FBN2: variants seen among roughly 807,000 people sequenced by gnomAD.
The protein encoded by FBN2 is fibrillin-2.
In FBN2, 105 loss-of-function variants were observed where a neutral mutation model predicts 355.6. The observed-to-expected ratio is 0.30, with a 90% CI of 0.25 to 0.35. The LOEUF (loss-of-function observed/expected upper bound fraction) is 0.35, where lower values mean the gene tolerates loss of function less well. FBN2 is among the 10% of genes least tolerant of loss of function. The probability of loss-of-function intolerance (pLI) is 1.00; values close to 1 mark genes in which losing one functional copy is unlikely to be tolerated. For missense variants in FBN2, 3,280 were observed against 3,758.7 expected, an observed-to-expected ratio of 0.87 and a Z score of 3.33; for synonymous variants, 1,350 against 1,301.2, an observed-to-expected ratio of 1.04 and a Z score of -0.81.
At chr5:128,466,528 G>T (rs1039154968) in intron 5 of FBN2, among the ~76,000 whole-genome samples, 1 of 152,100 alleles carries the variant, frequency 6.6e-6, no homozygotes, top group Admixed American at 6.6e-5. Flanking sequence ...TATCATATAC[G>T]TGCTGCAGTA....
intron 5 of FBN2, among the ~76,000 whole-genome samples, chr5:128,515,729 A>T (rs914757988): frequency 1.1e-4 from 16 of 152,210 alleles, no homozygotes; most frequent in African/African-American, 3.9e-4. Context: ...GATTAACAAA[A>T]GTCATTTTTC....
chr5:128,309,519 C>T, intron 40 of FBN2, 120 bp from the exon 41 acceptor site: 1 of 773,540 alleles, frequency 1.3e-6, no homozygotes, highest in Non-Finnish European at 2.2e-6. Context: ...CCTTTTTAGT[C>T]ATTTGAAGCT....
intron 7 of FBN2, among the ~76,000 whole-genome samples, chr5:128,432,722 A>G (rs1465134417): frequency 6.6e-6 from 1 of 152,202 alleles, no homozygotes; most frequent in Non-Finnish European, 1.5e-5. Flanking sequence ...GATAAAAAAA[A>G]GTTTTAATAA....
chr5:128,393,344 T>C lies in FBN2; in HGVS notation c.1256A>G (p.Asp419Gly), dbSNP rs140464202. Residue 419 changes from aspartate to glycine, a missense_variant, in exon 10 of 65, where the codon GAT (aspartate) becomes GGT (glycine). By Grantham distance (94) the Asp-to-Gly change is moderately conservative (BLOSUM62 -1). Around this residue, in one of 6 missense-constraint regions of FBN2, gnomAD observed 343 missense variants for 331.0 expected, o/e 1.04. Coordinates refer to ENST00000262464, the MANE Select transcript of FBN2 (RefSeq NM_001999.4). ...TGGAATTCCTCCCATTGGAAGTCCA[T>C]CCATGCAAAGTCTGCGATATTCCTC... ...GSEEYRRLCM[D>G]GLPMGGIPGS... 6.4e-5 allele frequency: 103 copies of C among 1,614,052 alleles called. No individual in the cohort carries two copies. The African/African-American group carries it at 1.1e-3, about 17-fold the overall frequency.
intron 5 of FBN2, among the ~76,000 whole-genome samples, chr5:128,474,198 C>T (rs185197113): frequency 5.3e-5 from 8 of 152,194 alleles, no homozygotes; most frequent in African/African-American, 1.4e-4. Context: ...TTAAGGACAA[C>T]AAAAATTGCT....
At chr5:128,376,648 C>A in intron 14 of FBN2, 83 bp downstream of exon 14, 1 of 1,494,112 alleles carries the variant, frequency 6.7e-7, no homozygotes. Flanking sequence ...CATGGGGAAG[C>A]TGAAGTAATT....
At position 128,420,523 on chromosome 5, in the gene FBN2, T is replaced by C. The variant is rs1481942856; in HGVS notation, c.953-11724A>G. ...TACCTTCAGCTTCAAAAAACAAATG[T>C]TAGCTTTAGCTATAGTATATACATT... On this transcript the variant is annotated intron_variant, in intron 7 of 64. Transcript: ENST00000262464. Among the ~76,000 whole-genome samples, 7 of 152,218 alleles carry C rather than the reference T, an allele frequency of 4.6e-5. No homozygotes were observed. The East Asian group carries it at 1.2e-3, about 25-fold the overall frequency.
At chr5:128,326,592 A>G (rs901684562) in intron 34 of FBN2, among the ~76,000 whole-genome samples, 39 of 152,236 alleles carry the variant, frequency 2.6e-4, no homozygotes, top group African/African-American at 8.9e-4. Flanking sequence ...TATTTATAAT[A>G]AGATGGGTAG....
chr5:128,318,122 T>C, intron 36 of FBN2, 27 bp downstream of exon 36: 1 of 1,611,696 alleles, frequency 6.2e-7, no homozygotes, highest in Admixed American at 1.7e-5. Context: ...ATAATTCTAT[T>C]TGTTTGTTTC....
Position 128,530,693 on chromosome 5 carries a change from G to T in FBN2, c.338C>A (p.Pro113Gln), listed in dbSNP as rs1188075267. 6.3e-7 allele frequency: 1 copy of T among 1,581,260 alleles called. No homozygotes were observed. The highest frequency in any genetic ancestry group is 8.7e-7 in the Non-Finnish European group (1 of 1,150,454). Residue 113 changes from proline to glutamine, a missense_variant and splice_region_variant, in exon 3 of 65, where the codon CCG becomes CAG. Transcript: ENST00000262464. The part of the protein sequence containing the change: ...TLPGGNQCIV[P>Q]ICRNSCGDGF... The stretch of plus-strand genomic sequence containing the variant: ...ATCTCCACAACTATTTCTACAAATC[G>T]CTGTAGAAAGCACAATAGGAAAATG...
chr5:128,483,093 A>C (rs1755240760), intron 5 of FBN2, among the ~76,000 whole-genome samples: 1 of 152,192 alleles, frequency 6.6e-6, no homozygotes, highest in Non-Finnish European at 1.5e-5. Context: ...TCTCATTTAC[A>C]AGTGGGAGCT....
intron 49 of FBN2, among the ~76,000 whole-genome samples, chr5:128,291,249 A>C (rs1749313888): frequency 6.6e-6 from 1 of 152,208 alleles, no homozygotes; most frequent in South Asian, 2.1e-4. Context: ...CAAACAAAAA[A>C]GCTATGACAA....
chr5:128,274,691 T>C lies in FBN2; in HGVS notation c.7595-8A>G, dbSNP rs878854479. The C allele has an allele frequency of 2.0e-5, 30 of 1,533,852 alleles. No homozygotes were observed. Among genetic ancestry groups the C allele is most frequent in the Non-Finnish European group, 2.5e-5 (28 of 1,107,006 alleles). On this transcript the variant is annotated splice_polypyrimidine_tract_variant and splice_region_variant and intron_variant, in intron 59 of 64. Coordinates refer to ENST00000262464, the MANE Select transcript of FBN2 (RefSeq NM_001999.4). ...TTTGACATTCATCAAGGTCTGAAATTAGAGAGAAGCCAGTGAAAATCACAG... is the reference window on the plus strand; with the variant it reads ...TTTGACATTCATCAAGGTCTGAAATCAGAGAGAAGCCAGTGAAAATCACAG...
rs368234173 is a variant in FBN2 at position 128,286,737 on chromosome 5, G to T, written c.6993C>A (p.Pro2331=). 6.2e-7 allele frequency: 1 copy of T among 1,613,966 alleles called. No individual in the cohort carries two copies. The highest frequency in any genetic ancestry group is 8.5e-7 in the Non-Finnish European group (1 of 1,179,976). ...CICPPGMARR[P]DGEGCVDENE... is the part of the protein sequence containing the mutation. ...GCTTACCTACACAGCCTTCTCCATC[G>T]GGCCTTCGGGCCATTCCAGGAGGGC... The change falls in exon 55 of 65, where the codon CCC becomes CCA. Residue 2331 remains proline, a synonymous_variant. Transcript: ENST00000262464.
At position 128,537,793 on chromosome 5, in the gene FBN2, G is replaced by C. The variant is rs998131843; in HGVS notation, c.-190C>G. 9 of 630,128 alleles carry C rather than the reference G, an allele frequency of 1.4e-5. No homozygotes were observed. The highest frequency in any genetic ancestry group is 2.2e-5 in the Non-Finnish European group (8 of 362,802). 39.0% of individuals were successfully genotyped at this position (630,128 alleles called of 1,614,324 possible). A position where few individuals can be genotyped will look rare whatever the true frequency, so the allele number is the denominator to read the frequency against. On this transcript the variant is annotated 5_prime_UTR_variant, in exon 1 of 65. Coordinates refer to ENST00000262464, the MANE Select transcript of FBN2 (RefSeq NM_001999.4). Reference sequence around the variant, plus strand: ...CCGGCCCCCTGACTGCCCGCGAAGCGAGACGCGGGGCGCCGGGTCTAGCGC... The same window carrying C: ...CCGGCCCCCTGACTGCCCGCGAAGCCAGACGCGGGGCGCCGGGTCTAGCGC...
chr5:128,396,917 A>C (rs1442123013), intron 8 of FBN2, among the ~76,000 whole-genome samples: 1 of 152,192 alleles, frequency 6.6e-6, no homozygotes, highest in Non-Finnish European at 1.5e-5. Flanking sequence ...GTAAAGTTAA[A>C]ATTTTTAGCA....
rs954870498 is a variant in FBN2 at position 128,278,245 on chromosome 5, C to T, written c.7346-240G>A. Among the ~76,000 whole-genome samples the T allele has an allele frequency of 2.0e-5, 3 of 152,102 alleles. No individual in the cohort carries two copies. The East Asian group carries it at 5.8e-4, about 29-fold the overall frequency. On this transcript the variant is annotated intron_variant, in intron 57 of 64. Coordinates refer to ENST00000262464, the MANE Select transcript of FBN2 (RefSeq NM_001999.4). ...GGTGAAAGCCCTGTTTAAGACTACC[C>T]ATTTTGCAATCTAAGCATGAATGAT...
At chr5:128,304,408 C>A (rs1749808388) in intron 45 of FBN2, among the ~76,000 whole-genome samples, 2 of 152,184 alleles carry the variant, frequency 1.3e-5, no homozygotes, top group African/African-American at 4.8e-5. Context: ...ATTACATTAG[C>A]TACTGGGAAT....
Position 128,478,667 on chromosome 5 carries a change from C to G in FBN2, c.629-13746G>C, listed in dbSNP as rs138218951. On this transcript the variant is annotated intron_variant, in intron 5 of 64. Transcript: ENST00000262464. ...CAAAATGCACCTGCTGAGTTTAGAT[C>G]CAGAAATATGGTCTAACTCAGTATT... is the stretch of plus-strand genomic sequence containing the variant. Among the ~76,000 whole-genome samples, 1,008 of 152,214 alleles carry G rather than the reference C, an allele frequency of 6.6e-3. 54 individuals carry two copies. Among genetic ancestry groups the G allele is most frequent in the Admixed American group, 0.053 (816 of 15,294 alleles).
Sources: allele counts gnomAD v4.1 joint callset (sites outside exome capture counted in the v4.1 genomes callset), GRCh38; gene constraint gnomAD v4.1.1; regional missense constraint gnomAD v4.1.1; transcripts MANE v1.5; gene names NCBI Gene and HGNC (gene_info 2026-07-23, HGNC 2026-07-21).